Variants in GAS2L3 observed in about 807,000 individuals in gnomAD.
GAS2L3 encodes the protein GAS2-like protein 3.
Under a neutral mutation model 37.0 loss-of-function variants are expected in GAS2L3, and 28 were observed. The ratio of observed to expected loss-of-function variants is 0.76; its 90% CI spans 0.56 to 1.04. The LOEUF (loss-of-function observed/expected upper bound fraction) is 1.04, where lower values mean the gene tolerates loss of function less well. Ranked by LOEUF, GAS2L3 falls within the 50% of genes least tolerant of loss-of-function variation. The pLI is 0.00. For synonymous variants in GAS2L3, 290 were observed against 296.6 expected (o/e 0.98, Z 0.23); for missense variants, 793 against 817.6 (o/e 0.97, Z 0.37).
At chr12:100,600,912 A>T (rs1377818006) in intron 4 of GAS2L3, among the ~76,000 whole-genome samples, 1 of 152,066 alleles carries the variant, frequency 6.6e-6, no homozygotes, top group Non-Finnish European at 1.5e-5. Context: ...TAAGCCATGA[A>T]CTTTGAGTGA....
chr12:100,580,675 A>C (rs1242568403), intron 1 of GAS2L3, among the ~76,000 whole-genome samples: 4 of 152,222 alleles, frequency 2.6e-5, no homozygotes, highest in Non-Finnish European at 5.9e-5. Flanking sequence ...AATCTAAGTC[A>C]TGCCTTTAAA....
chr12:100,608,307 C>A (rs941323692), intron 5 of GAS2L3, among the ~76,000 whole-genome samples: 4 of 152,150 alleles, frequency 2.6e-5, no homozygotes, highest in Admixed American at 6.5e-5. Flanking sequence ...TGGCCACCAC[C>A]ACTGAGACTG....
At chr12:100,579,892 T>C (rs1343097240) in intron 1 of GAS2L3, 2 of 755,590 alleles carry the variant, frequency 2.6e-6, no homozygotes, top group East Asian at 4.9e-5. Flanking sequence ...GTAAAGACTT[T>C]CCACACCTGA....
intron 9 of GAS2L3, 133 bp downstream of exon 9, chr12:100,622,515 T>A (rs916876412): frequency 1.1e-5 from 6 of 523,082 alleles, no homozygotes; most frequent in African/African-American, 1.9e-5. Flanking sequence ...AGGATTTCAC[T>A]GTACAGGGAA....
chr12:100,617,661 T>C (rs186658303), intron 6 of GAS2L3, 83 bp from the exon 7 acceptor site: 193 of 847,914 alleles, frequency 2.3e-4, no homozygotes, highest in Middle Eastern at 1.4e-3. Context: ...TATTCTTTTT[T>C]ATTTAACTCT....
chr12:100,607,231 A>T (rs1210533024), intron 5 of GAS2L3, among the ~76,000 whole-genome samples: 2 of 152,124 alleles, frequency 1.3e-5, no homozygotes, highest in East Asian at 1.9e-4. Flanking sequence ...TTCCTTCAGC[A>T]CTTTAAATGC....
rs773474538 is a variant in GAS2L3 at position 100,618,497 on chromosome 12, G to A, written c.558G>A (p.Glu186=). Residue 186 remains glutamate, a synonymous_variant, in exon 8 of 10, where the codon GAG becomes GAA. Transcript: ENST00000547754. ...TAGTAAAACTTGAGAAAGAAATTGA[G>A]TTAGAAGAGACTTTGCTTAATACTT... ...PVLVKLEKEI[E]LEETLLNTSG... The A allele has an allele frequency of 6.2e-7, 1 of 1,612,332 alleles. No homozygotes were observed. The highest frequency in any genetic ancestry group is 1.1e-5 in the South Asian group (1 of 90,754).
intron 1 of GAS2L3, among the ~76,000 whole-genome samples, chr12:100,582,501 A>G (rs552108882): frequency 1.3e-5 from 2 of 152,332 alleles, no homozygotes; most frequent in Admixed American, 1.3e-4. Flanking sequence ...TGCACTGGTC[A>G]GTATTTGGAA....
At chr12:100,617,190 T>G (rs540222735) in intron 6 of GAS2L3, among the ~76,000 whole-genome samples, 1 of 152,320 alleles carries the variant, frequency 6.6e-6, no homozygotes, top group South Asian at 2.1e-4. Flanking sequence ...TCCTTCTATA[T>G]GCTGCCAGAT....
intron 8 of GAS2L3, among the ~76,000 whole-genome samples, chr12:100,619,802 A>G (rs556138653): frequency 3.3e-5 from 5 of 152,160 alleles, no homozygotes; most frequent in South Asian, 2.1e-4. Context: ...TCATTTCCCT[A>G]TTATATAAAG....
Position 100,624,166 on chromosome 12 carries a change from A to T in GAS2L3, c.1361A>T (p.Asp454Val). Residue 454 changes from aspartate (D) to valine (V), a missense_variant, in exon 10 of 10, where the codon GAT becomes GTT. By Grantham distance (152) the Asp-to-Val change is radical. Transcript: ENST00000547754. Reference sequence around the variant, plus strand: ...GTTATTCCAGCCCAGAATTCAGCAGATCTGCCCGAGTCCACACTTTTGCCA... The same window carrying T: ...GTTATTCCAGCCCAGAATTCAGCAGTTCTGCCCGAGTCCACACTTTTGCCA... ...AKVIPAQNSA[D>V]LPESTLLPNK... 6.2e-7 allele frequency: 1 copy of T among 1,613,748 alleles called. No homozygotes were observed. Among genetic ancestry groups the T allele is most frequent in the Non-Finnish European group, 8.5e-7 (1 of 1,179,930 alleles).
chr12:100,604,474 G>GT (rs56690394), intron 5 of GAS2L3, among the ~76,000 whole-genome samples: 2,776 of 129,276 alleles, frequency 0.021, 101 homozygotes, highest in African/African-American at 0.061. Context: ...AGCTGTAGTT[G>GT]TTTTTTTTTT....
chr12:100,621,351 C>T (rs1015990550), intron 8 of GAS2L3, among the ~76,000 whole-genome samples: 2 of 152,046 alleles, frequency 1.3e-5, no homozygotes, highest in Non-Finnish European at 2.9e-5. Flanking sequence ...AATATCTTTA[C>T]TTAATATATT....
At position 100,624,741 on chromosome 12, in the gene GAS2L3, C is replaced by T; in HGVS notation, c.1936C>T (p.Pro646Ser). The change falls in exon 10 of 10, where the codon CCC becomes TCC. Residue 646 changes from proline (P) to serine (S), a missense_variant. Transcript: ENST00000547754. ...GAGCCAGCATTCAACTAAAGGGCCT[C>T]CCAGAAGTGGCAAAACCCCAGCTTC... ...AKSQHSTKGP[P>S]RSGKTPASIR... 1 of 1,613,914 alleles carries T rather than the reference C, an allele frequency of 6.2e-7. No individual in the cohort carries two copies. Among genetic ancestry groups the T allele is most frequent in the Non-Finnish European group, 8.5e-7 (1 of 1,179,998 alleles).
At chr12:100,579,186 A>C in intron 1 of GAS2L3, 2 of 653,510 alleles carry the variant, frequency 3.1e-6, no homozygotes, top group Non-Finnish European at 2.8e-6. Flanking sequence ...ATGGGGCTTC[A>C]AACAGTCTTA....
intron 5 of GAS2L3, among the ~76,000 whole-genome samples, chr12:100,604,300 A>T (rs775930156): frequency 4.8e-4 from 73 of 151,696 alleles, no homozygotes; most frequent in Non-Finnish European, 9.6e-4. Flanking sequence ...TATTGTAGAG[A>T]TATTTCACTT....
intron 5 of GAS2L3, among the ~76,000 whole-genome samples, chr12:100,602,083 T>G (rs149942550): frequency 6.6e-6 from 1 of 152,288 alleles, no homozygotes; most frequent in Non-Finnish European, 1.5e-5. Context: ...TGATGCATAG[T>G]AGATCCAGCT....
At chr12:100,575,882 T>C (rs1333079725) in intron 1 of GAS2L3, among the ~76,000 whole-genome samples, 2 of 152,178 alleles carry the variant, frequency 1.3e-5, no homozygotes, top group Non-Finnish European at 2.9e-5. Flanking sequence ...GTTACACACC[T>C]TTATATTCCT....
At chr12:100,586,414 A>T (rs2136402957) in intron 1 of GAS2L3, among the ~76,000 whole-genome samples, 1 of 152,336 alleles carries the variant, frequency 6.6e-6, no homozygotes, top group East Asian at 1.9e-4. Context: ...ACTAGAAATC[A>T]ACTCCAAAAG....
Sources: allele counts gnomAD v4.1 joint callset (sites outside exome capture counted in the v4.1 genomes callset), GRCh38; gene constraint gnomAD v4.1.1; transcripts MANE v1.5; gene names NCBI Gene and HGNC (gene_info 2026-07-23, HGNC 2026-07-21).